The following KCND2 variants were observed in gnomAD, a reference collection of about 807,000 sequenced individuals.
The protein encoded by KCND2 is A-type voltage-gated potassium channel KCND2.
A neutral mutation model predicts 54.4 loss-of-function variants in KCND2; 16 were observed. The ratio of observed to expected loss-of-function variants is 0.29; its 90% CI spans 0.20 to 0.45. KCND2 has a LOEUF of 0.45. Among genes scored for constraint, KCND2 ranks in the 20% least tolerant of loss-of-function variants. KCND2 has a pLI of 1.00. For missense variants in KCND2, 486 were observed against 824.2 expected (o/e 0.59, Z 5.02); for synonymous variants, 317 against 310.7 (o/e 1.02, Z -0.21).
At chr7:120,430,769 T>C (rs1389925060) in intron 1 of KCND2, among the ~76,000 whole-genome samples, 2 of 152,194 alleles carry the variant, frequency 1.3e-5, no homozygotes, top group Admixed American at 1.3e-4. Flanking sequence ...TTCAGTGCAG[T>C]TATGAGTATA....
chr7:120,446,234 A>G (rs749113790), intron 1 of KCND2, among the ~76,000 whole-genome samples: 13 of 152,088 alleles, frequency 8.5e-5, no homozygotes, highest in Non-Finnish European at 1.8e-4. Context: ...ACTTCTCTCA[A>G]TGCAATTCAG....
chr7:120,556,882 T>C (rs1792172513), intron 1 of KCND2, among the ~76,000 whole-genome samples: 1 of 152,228 alleles, frequency 6.6e-6, no homozygotes, highest in Admixed American at 6.5e-5. Flanking sequence ...GATGGAGATT[T>C]GTCTCTCTAG....
chr7:120,678,585 TTACACACATATA>T (rs1792098763), intron 1 of KCND2, among the ~76,000 whole-genome samples: 2 of 147,316 alleles, frequency 1.4e-5, no homozygotes, highest in Non-Finnish European at 3.0e-5. Flanking sequence ...TTACAGTTCA[TTACACACATATA>T]TATACACATA....
intron 1 of KCND2, among the ~76,000 whole-genome samples, chr7:120,333,662 C>G (rs1012928979): frequency 6.6e-6 from 1 of 152,056 alleles, no homozygotes; most frequent in Non-Finnish European, 1.5e-5. Context: ...TAAAATTTGA[C>G]ACTCTAAAAT....
At chr7:120,668,118 A>G (rs1370623072) in intron 1 of KCND2, among the ~76,000 whole-genome samples, 1 of 151,886 alleles carries the variant, frequency 6.6e-6, no homozygotes, top group African/African-American at 2.4e-5. Context: ...CTTACTAGAG[A>G]AAAAAAATTA....
intron 1 of KCND2, among the ~76,000 whole-genome samples, chr7:120,547,821 C>A (rs574107021): frequency 6.6e-6 from 1 of 151,922 alleles, no homozygotes; most frequent in Admixed American, 6.6e-5. Context: ...TGACTTGAGA[C>A]TTGAGTAATA....
At chr7:120,598,010 A>G (rs1792766770) in intron 1 of KCND2, among the ~76,000 whole-genome samples, 1 of 151,940 alleles carries the variant, frequency 6.6e-6, no homozygotes, top group Non-Finnish European at 1.5e-5. Flanking sequence ...CCGCCTCCAC[A>G]AGAGCATTTA....
At chr7:120,356,933 A>G (rs973331771) in intron 1 of KCND2, among the ~76,000 whole-genome samples, 1 of 152,088 alleles carries the variant, frequency 6.6e-6, no homozygotes, top group East Asian at 1.9e-4. Flanking sequence ...CTATGTGACC[A>G]TGTGCATAGG....
At chr7:120,474,526 T>C (rs1802505992) in intron 1 of KCND2, among the ~76,000 whole-genome samples, 1 of 151,614 alleles carries the variant, frequency 6.6e-6, no homozygotes, top group African/African-American at 2.4e-5. Flanking sequence ...TTTACTTTTT[T>C]TTTTTTTTGG....
rs551036626 is a variant in KCND2 at position 120,390,043 on chromosome 7, T to A, written c.1115+114296T>A. On this transcript the variant is annotated intron_variant, in intron 1 of 5. Transcript: ENST00000331113. ...CTCTTAGAATGTTTTAAGTTTACAT[T>A]AATTAATGAGGGGAAAATCAACACG... Among the ~76,000 whole-genome samples, 7 of 152,026 alleles carry A rather than the reference T, an allele frequency of 4.6e-5. No individual in the cohort carries two copies. The East Asian group carries it at 1.4e-3, about 29-fold the overall frequency.
intron 1 of KCND2, among the ~76,000 whole-genome samples, chr7:120,367,147 C>A (rs1324344452): frequency 6.6e-6 from 1 of 152,052 alleles, no homozygotes; most frequent in African/African-American, 2.4e-5. Flanking sequence ...TTGTCATACA[C>A]CTGCTACAGA....
At chr7:120,315,765 AGTGTGTGTGTGTGTGTGTGT>A (rs59537613) in intron 1 of KCND2, among the ~76,000 whole-genome samples, 8 of 137,600 alleles carry the variant, frequency 5.8e-5, no homozygotes, top group East Asian at 4.3e-4. Flanking sequence ...TTCCATAAGC[AGTGTGTGTGTGTGTGTGTGT>A]GTGTGTGTGT....
At chr7:120,721,518 A>G (rs558869828) in intron 1 of KCND2, among the ~76,000 whole-genome samples, 30 of 152,294 alleles carry the variant, frequency 2.0e-4, no homozygotes, top group African/African-American at 7.2e-4. Flanking sequence ...TCTCATCAAA[A>G]ACAAAGTTTG....
At chr7:120,434,339 A>T (rs1801836187) in intron 1 of KCND2, among the ~76,000 whole-genome samples, 1 of 152,202 alleles carries the variant, frequency 6.6e-6, no homozygotes, top group Non-Finnish European at 1.5e-5. Flanking sequence ...TGGTGTGGGT[A>T]AAATTATCAA....
chr7:120,410,240 A>T (rs1243073588), intron 1 of KCND2, among the ~76,000 whole-genome samples: 2 of 151,972 alleles, frequency 1.3e-5, no homozygotes, highest in Non-Finnish European at 2.9e-5. Context: ...GTTTTCCATC[A>T]GTCTATATGC....
chr7:120,415,124 A>G (rs748352059), intron 1 of KCND2, among the ~76,000 whole-genome samples: 4 of 152,212 alleles, frequency 2.6e-5, no homozygotes, highest in Non-Finnish European at 4.4e-5. Flanking sequence ...TATATTTGTT[A>G]GCTTTGACAG....
At chr7:120,522,465 G>T (rs1383764409) in intron 1 of KCND2, among the ~76,000 whole-genome samples, 2 of 152,136 alleles carry the variant, frequency 1.3e-5, no homozygotes, top group African/African-American at 2.4e-5. Context: ...AGATCAATGG[G>T]ATATGTAAAG....
At chr7:120,417,161 A>G (rs1044178948) in intron 1 of KCND2, among the ~76,000 whole-genome samples, 10 of 152,222 alleles carry the variant, frequency 6.6e-5, no homozygotes, top group African/African-American at 2.4e-4. Context: ...AAGCTTACAG[A>G]TCAGAAAAGC....
chr7:120,295,784 A>G (rs1016482464), intron 1 of KCND2, among the ~76,000 whole-genome samples: 6 of 151,996 alleles, frequency 3.9e-5, no homozygotes, highest in African/African-American at 1.2e-4. Context: ...TTTTCTCACT[A>G]TTTTGCAGAT....
Sources: gnomAD v4.1 joint callset for allele counts (sites outside exome capture counted in the v4.1 genomes callset) on GRCh38, gnomAD v4.1.1 for gene constraint, MANE v1.5 for transcripts, NCBI Gene and HGNC (gene_info 2026-07-23, HGNC 2026-07-21) for gene names.